NALF1: variants seen among roughly 807,000 people sequenced by gnomAD.
NALF1 encodes NALCN channel auxiliary factor 1, also known as family with sequence similarity 155 member A.
NALF1 carries 3 observed loss-of-function variants against 48.4 expected under a neutral mutation model. The observed-to-expected ratio is 0.06, with a 90% CI of 0.03 to 0.16. The LOEUF is 0.16. Ranked by LOEUF, NALF1 falls within the 10% of genes least tolerant of loss-of-function variation. The pLI is 1.00. For missense variants in NALF1, 526 were observed against 571.5 expected, an observed-to-expected ratio of 0.92 and a Z score of 0.81; for synonymous variants, 262 against 245.7, an observed-to-expected ratio of 1.07 and a Z score of -0.62.
chr13:107,288,253 T>C (rs1297584088), intron 1 of NALF1, among the ~76,000 whole-genome samples: 21 of 142,394 alleles, frequency 1.5e-4, no homozygotes, highest in African/African-American at 5.2e-4. Flanking sequence ...GGAGTCTCGC[T>C]CTGTCGCCCA....
chr13:107,418,212 T>C (rs781765081), intron 1 of NALF1, among the ~76,000 whole-genome samples: 2 of 152,176 alleles, frequency 1.3e-5, no homozygotes, highest in Non-Finnish European at 2.9e-5. Flanking sequence ...CTTTGGAGAC[T>C]ATCCCTATGC....
At chr13:107,481,996 G>A (rs1594086644) in intron 1 of NALF1, among the ~76,000 whole-genome samples, 1 of 152,112 alleles carries the variant, frequency 6.6e-6, no homozygotes, top group South Asian at 2.1e-4. Flanking sequence ...AAGTTTATGT[G>A]TCAACTTGGC....
rs562884797 is a variant in NALF1, at chr13:107,356,664, G to A, written c.916-145909C>T. 4.4e-4 allele frequency among the ~76,000 whole-genome samples: 67 copies of A among 152,240 alleles called. 3 individuals are homozygous for A. The South Asian group carries it at 0.013, about 30-fold the overall frequency. ...AGATCATGCAGTTCCCTTCACCAGA[G>A]CAAAGTTTTAGACATTAAAAGACTT... On this transcript the variant is annotated intron_variant, in intron 1 of 2. Coordinates refer to ENST00000375915, the MANE Select transcript of NALF1 (RefSeq NM_001080396.3).
intron 1 of NALF1, among the ~76,000 whole-genome samples, chr13:107,451,013 T>G (rs996946505): frequency 6.6e-6 from 1 of 152,198 alleles, no homozygotes; most frequent in African/African-American, 2.4e-5. Flanking sequence ...ATTTTGCTTA[T>G]ACAAAGGATG....
At chr13:107,586,015 A>G (rs547017351) in intron 1 of NALF1, among the ~76,000 whole-genome samples, 83 of 152,280 alleles carry the variant, frequency 5.5e-4, no homozygotes, top group African/African-American at 1.9e-3. Flanking sequence ...GAGATCTGGA[A>G]GAATGCCTGT....
rs767174280 is a variant in NALF1, at chr13:107,866,070, G to T, written c.527C>A (p.Ala176Glu). ...CACCGTGAAGCACTGGCCCGAGGAC[G>T]CGCCCTGGGGGTAACAAGTCTCCAG... Reference protein sequence around the residue: ...WRLETCYPQGASSGQCFTVEN... With the variant: ...WRLETCYPQGESSGQCFTVEN... Residue 176 changes from alanine to glutamate, a missense_variant, in exon 1 of 3, where the codon GCG becomes GAG. This residue lies in a region of NALF1 where 373 missense variants were observed against 355.5 expected (regional missense o/e 1.05). Transcript: ENST00000375915. This position sits in a 1 kb window ranked among gnomAD's most constrained non-coding sequence, Gnocchi z 4.4. 18 of 1,612,822 alleles carry T rather than the reference G, an allele frequency of 1.1e-5. No homozygotes were observed. The highest frequency in any genetic ancestry group is 1.5e-5 in the Non-Finnish European group (18 of 1,179,948).
At chr13:107,297,997 A>G (rs1436627950) in intron 1 of NALF1, among the ~76,000 whole-genome samples, 2 of 152,130 alleles carry the variant, frequency 1.3e-5, no homozygotes, top group Non-Finnish European at 2.9e-5. Flanking sequence ...TGTCCACCCA[A>G]ATATCTCCCA....
intron 1 of NALF1, among the ~76,000 whole-genome samples, chr13:107,464,730 G>C (rs555475805): frequency 1.1e-4 from 16 of 152,168 alleles, no homozygotes; most frequent in Non-Finnish European, 1.2e-4. Flanking sequence ...ATGTTGGTCA[G>C]GCTGGTCTAG....
In NALF1 at chr13:107,210,655, G is replaced by C; in HGVS notation, c.1016C>G (p.Thr339Arg). 6.2e-7 allele frequency: 1 copy of C among 1,612,400 alleles called. No homozygotes were observed. The change falls in exon 2 of 3, where the codon ACG becomes AGG. Residue 339 changes from threonine (T) to arginine (R), a missense_variant. Physicochemically the swap from Thr to Arg is moderately conservative, Grantham distance 71. Around this residue, in one of 2 missense-constraint regions of NALF1, gnomAD observed 153 missense variants for 215.9 expected, o/e 0.71. Transcript: ENST00000375915. Reference sequence around the variant, plus strand: ...GTCGGGCAATATAAATGGACACCTCGTCTGAACCTCCAAACAGTATTGCTT... The same window carrying C: ...GTCGGGCAATATAAATGGACACCTCCTCTGAACCTCCAAACAGTATTGCTT... ...PCKQYCLEVQ[T>R]RCPFILPDND...
At chr13:107,768,660 T>C (rs1877487675) in intron 1 of NALF1, among the ~76,000 whole-genome samples, 1 of 152,162 alleles carries the variant, frequency 6.6e-6, no homozygotes, top group African/African-American at 2.4e-5. Flanking sequence ...AGTAAGGGCA[T>C]ACAAAGTAAT....
chr13:107,197,541 C>T (rs998102238), intron 2 of NALF1, among the ~76,000 whole-genome samples: 2 of 152,096 alleles, frequency 1.3e-5, no homozygotes, highest in African/African-American at 4.8e-5. Flanking sequence ...CCAAGAAAGT[C>T]CCTGCCTGCT....
intron 1 of NALF1, among the ~76,000 whole-genome samples, chr13:107,469,726 T>C (rs924263413): frequency 6.9e-6 from 1 of 144,558 alleles, no homozygotes; most frequent in Non-Finnish European, 1.5e-5. Context: ...ATGAGTCAAC[T>C]GTGTATCTTT....
At chr13:107,543,696 C>T (rs676122) in intron 1 of NALF1, among the ~76,000 whole-genome samples, 55,010 of 151,396 alleles carry the variant, frequency 0.36, 10,110 homozygotes, top group African/African-American at 0.41. Flanking sequence ...CGTATATACA[C>T]GTATATATAT....
chr13:107,716,364 A>G (rs2138523619), intron 1 of NALF1, among the ~76,000 whole-genome samples: 2 of 152,282 alleles, frequency 1.3e-5, no homozygotes, highest in East Asian at 3.9e-4. Context: ...GGTGCCATAT[A>G]TTGCTCTTTA....
chr13:107,263,341 A>G (rs1202404245), intron 1 of NALF1, among the ~76,000 whole-genome samples: 2 of 151,538 alleles, frequency 1.3e-5, no homozygotes, highest in Non-Finnish European at 2.9e-5. Flanking sequence ...TCTTTGCTTG[A>G]TTATTACAGA....
At chr13:107,846,895 ATC>A in intron 1 of NALF1, among the ~76,000 whole-genome samples, 1 of 152,340 alleles carries the variant, frequency 6.6e-6, no homozygotes, top group East Asian at 1.9e-4. Flanking sequence ...AAGTAAGTCA[ATC>A]TAATTATGAG....
chr13:107,425,287 G>A (rs897546704), intron 1 of NALF1, among the ~76,000 whole-genome samples: 3 of 152,068 alleles, frequency 2.0e-5, no homozygotes. Context: ...AACTAAGTGC[G>A]TTTCTAAAGA....
intron 1 of NALF1, among the ~76,000 whole-genome samples, chr13:107,345,087 A>G (rs1470642972): frequency 6.6e-6 from 1 of 150,712 alleles, no homozygotes; most frequent in African/African-American, 2.4e-5. Flanking sequence ...TAGCAGCTAC[A>G]CACACACACA....
intron 1 of NALF1, among the ~76,000 whole-genome samples, chr13:107,703,679 T>A (rs1484260129): frequency 6.6e-6 from 1 of 152,102 alleles, no homozygotes; most frequent in East Asian, 1.9e-4. Context: ...AAAAGCCCTA[T>A]CAATTCTAAT....
Sources: allele counts gnomAD v4.1 joint callset (sites outside exome capture counted in the v4.1 genomes callset), GRCh38; gene constraint gnomAD v4.1.1; regional missense constraint gnomAD v4.1.1; non-coding constraint Gnocchi (gnomAD v3.1); transcripts MANE v1.5; gene names NCBI Gene and HGNC (gene_info 2026-07-23, HGNC 2026-07-21).